DCC: variants seen among roughly 807,000 people sequenced by gnomAD.
DCC encodes the protein DCC netrin 1 receptor.
Under a neutral mutation model 172.5 loss-of-function variants are expected in DCC, and 58 were observed. That is an observed-to-expected ratio of 0.34 (90% CI 0.27 to 0.42). The LOEUF is 0.42. Ranked by LOEUF, DCC falls within the 10% of genes least tolerant of loss-of-function variation. The pLI, the probability that DCC is intolerant of heterozygous loss-of-function variation, is 1.00. For missense variants in DCC, 1,740 were observed against 1,791.0 expected (o/e 0.97, Z 0.51); for synonymous variants, 709 against 644.5 (o/e 1.10, Z -1.52).
intron 1 of DCC, among the ~76,000 whole-genome samples, chr18:52,662,179 C>G (rs927369598): frequency 6.6e-6 from 1 of 152,162 alleles, no homozygotes; most frequent in Non-Finnish European, 1.5e-5. Flanking sequence ...TTCAGAAGGT[C>G]TAGAATTCAA....
At chr18:53,051,092 T>C (rs2042327898) in intron 5 of DCC, among the ~76,000 whole-genome samples, 2 of 152,058 alleles carry the variant, frequency 1.3e-5, no homozygotes, top group African/African-American at 4.8e-5. Context: ...TTGCCAAGCA[T>C]GGTGGCGTGC....
At chr18:53,186,420 A>T (rs2055283462) in intron 9 of DCC, among the ~76,000 whole-genome samples, 1 of 152,210 alleles carries the variant, frequency 6.6e-6, no homozygotes, top group African/African-American at 2.4e-5. Context: ...CAGCATGAAC[A>T]TCTTCGGGGA....
chr18:53,322,104 C>G lies in DCC; in HGVS notation c.2111C>G (p.Thr704Ser), dbSNP rs1337205760. 1.9e-6 allele frequency: 3 copies of G among 1,608,886 alleles called. No homozygotes were observed. Among genetic ancestry groups the G allele is most frequent in the Non-Finnish European group, 2.6e-6 (3 of 1,175,186 alleles). Residue 704 changes from threonine to serine, a missense_variant, in exon 14 of 29, where the codon ACT becomes AGT. Physicochemically the swap from Thr to Ser is moderately conservative, Grantham distance 58. Coordinates refer to ENST00000442544, the MANE Select transcript of DCC (RefSeq NM_005215.4). ...GTGTCAGCCATGACAGTCAATGGTA[C>G]TGGACCACCTTCCAACTGGTATACT... ...FQVSAMTVNG[T>S]GPPSNWYTAE...
At chr18:53,338,368 C>T (rs1421791376) in intron 14 of DCC, among the ~76,000 whole-genome samples, 1 of 152,172 alleles carries the variant, frequency 6.6e-6, no homozygotes, top group Non-Finnish European at 1.5e-5. Flanking sequence ...CTTTGGGAGG[C>T]CAAGGCAGGT....
intron 12 of DCC, among the ~76,000 whole-genome samples, chr18:53,296,988 A>G (rs1444038960): frequency 6.6e-6 from 1 of 152,198 alleles, no homozygotes; most frequent in Non-Finnish European, 1.5e-5. Flanking sequence ...ACGAGGATCA[A>G]AATGGGTTTG....
chr18:52,670,203 C>T (rs117437829), intron 1 of DCC, among the ~76,000 whole-genome samples: 1 of 152,286 alleles, frequency 6.6e-6, no homozygotes, highest in African/African-American at 2.4e-5. Flanking sequence ...GGTGTATTTT[C>T]ATATAAAAGA....
intron 2 of DCC, among the ~76,000 whole-genome samples, chr18:52,856,540 G>A (rs936220203): frequency 6.8e-6 from 1 of 147,892 alleles, no homozygotes; most frequent in African/African-American, 2.5e-5. Flanking sequence ...GCTGGAGGAT[G>A]GCGTGAACCC....
chr18:52,736,933 A>G (rs2036739549), intron 1 of DCC, among the ~76,000 whole-genome samples: 1 of 152,290 alleles, frequency 6.6e-6, no homozygotes, highest in African/African-American at 2.4e-5. Flanking sequence ...ATTATACTCA[A>G]TAAACTCAGC....
intron 9 of DCC, among the ~76,000 whole-genome samples, chr18:53,189,570 A>G (rs1311763177): frequency 1.3e-5 from 2 of 152,194 alleles, no homozygotes; most frequent in African/African-American, 4.8e-5. Context: ...TTTAAAAACC[A>G]TTTCAGTCAC....
intron 5 of DCC, among the ~76,000 whole-genome samples, chr18:53,015,894 A>T (rs1407266825): frequency 6.6e-6 from 1 of 152,122 alleles, no homozygotes; most frequent in East Asian, 1.9e-4. Flanking sequence ...AAGCTTGTGC[A>T]TTATGAAGTT....
chr18:52,873,747 A>C (rs1490856903), intron 2 of DCC, among the ~76,000 whole-genome samples: 1 of 152,184 alleles, frequency 6.6e-6, no homozygotes, highest in Non-Finnish European at 1.5e-5. Flanking sequence ...GCATAAGTAG[A>C]TTAGTACTTG....
chr18:53,128,918 G>A (rs1158637947), intron 7 of DCC, among the ~76,000 whole-genome samples: 4 of 126,912 alleles, frequency 3.2e-5, no homozygotes, highest in African/African-American at 1.2e-4. Context: ...TTGGAGTCTT[G>A]CTTTGTCATC....
chr18:52,602,286 C>A (rs186603727), intron 1 of DCC, among the ~76,000 whole-genome samples: 1 of 151,920 alleles, frequency 6.6e-6, no homozygotes, highest in African/African-American at 2.4e-5. Flanking sequence ...GAGGCATTCT[C>A]GTAAATATGT....
rs762113039 is a variant in DCC, at chr18:53,450,606, G to A, written c.3336G>A (p.Leu1112=). The change falls in exon 23 of 29, where the codon CTG becomes CTA. Residue 1112 remains leucine (L), a synonymous_variant. Transcript: ENST00000442544. Reference sequence around the variant, plus strand: ...TCACCGTTGGTGTCATCACAGTGCTGGTAGTGGTCATCGTGGCTGTGATTT... The same window carrying A: ...TCACCGTTGGTGTCATCACAGTGCTAGTAGTGGTCATCGTGGCTGTGATTT... The part of the protein sequence containing the change: ...IVVTVGVITV[L]VVVIVAVICT... 1.2e-6 allele frequency: 2 copies of A among 1,611,032 alleles called. No individual in the cohort carries two copies. The highest frequency in any genetic ancestry group is 1.7e-6 in the Non-Finnish European group (2 of 1,178,836).
intron 5 of DCC, among the ~76,000 whole-genome samples, chr18:52,939,772 T>C (rs557462520): frequency 1.6e-4 from 24 of 152,288 alleles, no homozygotes; most frequent in African/African-American, 5.5e-4. Flanking sequence ...GAACTTGAAT[T>C]GACATTGTTT....
chr18:52,925,782 T>C (rs2040192276), intron 5 of DCC, among the ~76,000 whole-genome samples: 1 of 151,908 alleles, frequency 6.6e-6, no homozygotes, highest in Non-Finnish European at 1.5e-5. Flanking sequence ...ATTCAGTATG[T>C]TGGTAAGATT....
chr18:52,884,098 T>C (rs374809015), intron 2 of DCC, among the ~76,000 whole-genome samples: 3 of 152,114 alleles, frequency 2.0e-5, no homozygotes, highest in Non-Finnish European at 2.9e-5. Context: ...TTGTATGTTA[T>C]TTGTTTCTTT....
At chr18:52,403,859 T>C (rs930934588) in intron 1 of DCC, among the ~76,000 whole-genome samples, 1 of 152,062 alleles carries the variant, frequency 6.6e-6, no homozygotes, top group Non-Finnish European at 1.5e-5. Flanking sequence ...CTTTAATGTA[T>C]GTTTGATGAG....
At chr18:53,077,296 G>T (rs1485441473) in intron 7 of DCC, among the ~76,000 whole-genome samples, 1 of 152,004 alleles carries the variant, frequency 6.6e-6, no homozygotes, top group Non-Finnish European at 1.5e-5. Context: ...CTTGGGAAAG[G>T]TTCTCTTTAC....
Sources: gnomAD v4.1 joint callset for allele counts (sites outside exome capture counted in the v4.1 genomes callset) on GRCh38, gnomAD v4.1.1 for gene constraint, MANE v1.5 for transcripts, NCBI Gene and HGNC (gene_info 2026-07-23, HGNC 2026-07-21) for gene names.